The following GFPT2 variants were observed in gnomAD, a reference collection of about 807,000 sequenced individuals.
GFPT2 encodes the protein glutamine--fructose-6-phosphate aminotransferase [isomerizing] 2.
A neutral mutation model predicts 85.6 loss-of-function variants in GFPT2; 62 were observed. That is an observed-to-expected ratio of 0.72 (90% confidence interval 0.59 to 0.90). GFPT2 has a LOEUF of 0.90. Among genes scored for constraint, GFPT2 ranks in the 40% least tolerant of loss-of-function variants. The probability of loss-of-function intolerance (pLI) is 0.00; values close to 1 mark genes in which losing one functional copy is unlikely to be tolerated. For synonymous variants in GFPT2, 368 were observed against 344.5 expected, an observed-to-expected ratio of 1.07 and a Z score of -0.75; for missense variants, 788 against 893.4, an observed-to-expected ratio of 0.88 and a Z score of 1.50.
At chr5:180,322,505 AC>A (rs1189249858) in intron 9 of GFPT2, among the ~76,000 whole-genome samples, 1 of 152,000 alleles carries the variant, frequency 6.6e-6, no homozygotes, top group African/African-American at 2.4e-5. Flanking sequence ...ACGTTTGCTG[AC>A]TGCATCGTGC....
intron 14 of GFPT2, among the ~76,000 whole-genome samples, chr5:180,313,585 G>A (rs1164333634): frequency 6.8e-6 from 1 of 147,210 alleles, no homozygotes; most frequent in African/African-American, 2.5e-5. Flanking sequence ...GTGAGACTCC[G>A]TCTCAAAAAA....
At position 180,335,867 on chromosome 5, in the gene GFPT2, C is replaced by A. The variant is rs773988297; in HGVS notation, c.301G>T (p.Ala101Ser). The change falls in exon 4 of 19, where the codon GCT becomes TCT. Residue 101 changes from alanine (A) to serine (S), a missense_variant. Physicochemically the swap from Ala to Ser is moderately conservative, Grantham distance 99 (BLOSUM62 1). Transcript: ENST00000253778. ...GAGCGCTGAGGGTGGCTGTTGACAG[C>A]ACTGGGGACCCCGTGGGTGGCCCAG... The part of the protein sequence containing the change: ...TRWATHGVPS[A>S]VNSHPQRSDK... 1 of 1,591,696 alleles carries A rather than the reference C, an allele frequency of 6.3e-7. No individual in the cohort carries two copies. Among genetic ancestry groups the A allele is most frequent in the East Asian group, 2.3e-5 (1 of 43,716 alleles).
At chr5:180,336,655 A>G in intron 2 of GFPT2, 78 bp from the exon 3 acceptor site, 1 of 924,310 alleles carries the variant, frequency 1.1e-6, no homozygotes, top group Non-Finnish European at 1.8e-6. Context: ...CCGCAGGGTC[A>G]GGGCTGCATG....
chr5:180,336,245 T>C (rs758224038), intron 3 of GFPT2: 1 of 582,574 alleles, frequency 1.7e-6, no homozygotes, highest in Non-Finnish European at 3.0e-6. Context: ...ATAATTAAAA[T>C]AACTACTGTA....
intron 13 of GFPT2, among the ~76,000 whole-genome samples, chr5:180,316,077 G>A (rs1764000320): frequency 6.6e-6 from 1 of 152,230 alleles, no homozygotes; most frequent in South Asian, 2.1e-4. Flanking sequence ...AGAGGGAGAA[G>A]CCACGGGGCA....
In GFPT2 at chr5:180,305,727, C is replaced by T. The variant is rs568050859; in HGVS notation, c.1675-788G>A. The stretch of plus-strand genomic sequence containing the variant: ...ATCTCCCGCCAGCACGTTCAGCCAC[C>T]GCAGCTCAGCCCCCACCCATGACGC... On this transcript the variant is annotated intron_variant, in intron 16 of 18. Transcript: ENST00000253778. 3.9e-5 allele frequency among the ~76,000 whole-genome samples: 6 copies of T among 152,180 alleles called. No homozygotes were observed. The South Asian group carries it at 1.0e-3, about 26-fold the overall frequency.
chr5:180,338,829 G>A (rs1196153175), intron 1 of GFPT2, among the ~76,000 whole-genome samples: 1 of 152,220 alleles, frequency 6.6e-6, no homozygotes, highest in African/African-American at 2.4e-5. Context: ...CAGTTCCACT[G>A]CTGAGAACTT....
chr5:180,330,548 G>A lies in GFPT2; in HGVS notation c.534+152C>T. 3.1e-6 allele frequency: 2 copies of A among 635,050 alleles called. No individual in the cohort carries two copies. The highest frequency in any genetic ancestry group is 3.9e-5 in the South Asian group (2 of 50,814). The allele number at this position is 635,050 out of a possible 1,614,324, so 39.3% of individuals were successfully genotyped here. Reference sequence around the variant, plus strand: ...TAACATCTTAAGGCCAGGCTCTGCAGATGGGCTGTCTTTTATCCCCAGGAC... The same window carrying A: ...TAACATCTTAAGGCCAGGCTCTGCAAATGGGCTGTCTTTTATCCCCAGGAC... On this transcript the variant is annotated intron_variant, in intron 6 of 18. Transcript: ENST00000253778. This position sits in a 1 kb window ranked among gnomAD's most constrained non-coding sequence, Gnocchi z 4.4.
chr5:180,305,537 T>C (rs566206255), intron 16 of GFPT2, among the ~76,000 whole-genome samples: 9 of 152,326 alleles, frequency 5.9e-5, no homozygotes, highest in Non-Finnish European at 1.2e-4. Context: ...CTAGCACTGC[T>C]GATTTAGGTC....
At chr5:180,340,913 G>A (rs1209594037) in intron 1 of GFPT2, among the ~76,000 whole-genome samples, 1 of 152,170 alleles carries the variant, frequency 6.6e-6, no homozygotes, top group Non-Finnish European at 1.5e-5. Context: ...AGACCACCAT[G>A]CAGCTGAGGA....
At chr5:180,341,871 C>T (rs1415687368) in intron 1 of GFPT2, among the ~76,000 whole-genome samples, 1 of 152,182 alleles carries the variant, frequency 6.6e-6, no homozygotes, top group Non-Finnish European at 1.5e-5. Context: ...AACATCTGGG[C>T]ATGGGAGGTA....
chr5:180,321,513 A>T (rs927864304), intron 9 of GFPT2, among the ~76,000 whole-genome samples: 1 of 152,192 alleles, frequency 6.6e-6, no homozygotes, highest in Non-Finnish European at 1.5e-5. Context: ...CCGCCTCTGT[A>T]AACAGAAAAG....
chr5:180,304,692 G>C, intron 17 of GFPT2, 80 bp downstream of exon 17: 2 of 1,273,054 alleles, frequency 1.6e-6, no homozygotes, highest in Non-Finnish European at 2.2e-6. Flanking sequence ...TCCATCACTG[G>C]TACTGGCAGA....
intron 1 of GFPT2, among the ~76,000 whole-genome samples, chr5:180,346,987 TGA>T (rs993938686): frequency 3.3e-5 from 5 of 152,210 alleles, no homozygotes; most frequent in African/African-American, 9.7e-5. Flanking sequence ...CTTGCAGAAC[TGA>T]GAGGGAACAG....
chr5:180,304,113 G>A (rs11740631), intron 17 of GFPT2, among the ~76,000 whole-genome samples: 27,090 of 152,124 alleles, frequency 0.18, 2,738 homozygotes, highest in East Asian at 0.35. Flanking sequence ...GCTCCCGGGC[G>A]ACACACAGTG....
At chr5:180,336,418 A>T in intron 3 of GFPT2, 61 bp downstream of exon 3, 1 of 886,728 alleles carries the variant, frequency 1.1e-6, no homozygotes, top group Non-Finnish European at 1.9e-6. Flanking sequence ...CTGTTGGAAT[A>T]CGGTCCTAGA....
chr5:180,319,574 T>C (rs1204506935), intron 9 of GFPT2, among the ~76,000 whole-genome samples: 3 of 152,186 alleles, frequency 2.0e-5, no homozygotes, highest in Non-Finnish European at 4.4e-5. Flanking sequence ...ATAGCTCTAA[T>C]CAAGGACCAT....
chr5:180,328,219 G>T lies in GFPT2; in HGVS notation c.596+58C>A. 1 of 1,285,644 alleles carries T rather than the reference G, an allele frequency of 7.8e-7. No homozygotes were observed. Among genetic ancestry groups the T allele is most frequent in the Non-Finnish European group, 1.1e-6 (1 of 880,218 alleles). 79.6% of individuals were successfully genotyped at this position (1,285,644 alleles called of 1,614,324 possible). On this transcript the variant is annotated intron_variant, in intron 7 of 18. Coordinates refer to ENST00000253778, the MANE Select transcript of GFPT2 (RefSeq NM_005110.4). The surrounding 1 kb of genome is among the most constrained non-coding windows in gnomAD (Gnocchi z 5.4). Reference sequence around the variant, plus strand: ...GCCCTACCTCTCCCGTCTCCCTCCAGCTAAGTGATTTTATTTTCGTTCTTT... The same window carrying T: ...GCCCTACCTCTCCCGTCTCCCTCCATCTAAGTGATTTTATTTTCGTTCTTT...
At chr5:180,302,677 T>A in intron 17 of GFPT2, 93 bp from the exon 18 acceptor site, 1 of 985,840 alleles carries the variant, frequency 1.0e-6, no homozygotes, top group East Asian at 2.4e-5. Context: ...ATTACTGTGA[T>A]GAGAACAGTC....
Sources: gnomAD v4.1 joint callset for allele counts (sites outside exome capture counted in the v4.1 genomes callset) on GRCh38, gnomAD v4.1.1 for gene constraint, Gnocchi (gnomAD v3.1) non-coding constraint, MANE v1.5 for transcripts, NCBI Gene and HGNC (gene_info 2026-07-23, HGNC 2026-07-21) for gene names.